Variants in TNS1 observed in about 807,000 individuals in gnomAD.
The protein encoded by TNS1 is tensin 1.
Under a neutral mutation model 168.6 loss-of-function variants are expected in TNS1, and 62 were observed. That is an observed-to-expected ratio of 0.37 (90% CI 0.30 to 0.45). TNS1 has a LOEUF of 0.45. Among genes scored for constraint, TNS1 ranks in the 20% least tolerant of loss-of-function variants. The pLI is 1.00. For missense variants in TNS1, 2,240 were observed against 2,339.4 expected (o/e 0.96, Z 0.88); for synonymous variants, 934 against 933.2 (o/e 1.00, Z -0.02).
intron 4 of TNS1, among the ~76,000 whole-genome samples, chr2:217,913,425 T>C (rs1479867699): frequency 6.6e-6 from 1 of 152,138 alleles, no homozygotes; most frequent in East Asian, 1.9e-4. Flanking sequence ...ATATTTTGTG[T>C]TCCCTCTTGC....
At chr2:217,930,835 A>G (rs1447348310) in intron 3 of TNS1, among the ~76,000 whole-genome samples, 1 of 152,186 alleles carries the variant, frequency 6.6e-6, no homozygotes, top group Non-Finnish European at 1.5e-5. Flanking sequence ...CCCAAAAAGC[A>G]GGAAAACCCC....
intron 4 of TNS1, among the ~76,000 whole-genome samples, chr2:217,910,862 C>T (rs1199127325): frequency 6.6e-6 from 1 of 152,070 alleles, no homozygotes; most frequent in Non-Finnish European, 1.5e-5. Context: ...AATTGAGGTC[C>T]AGGGAGGTCT....
rs750219923 is a variant in TNS1 at position 217,920,205 on chromosome 2, T to C, written c.218A>G (p.His73Arg). The change falls in exon 4 of 33, where the codon CAT becomes CGT. Residue 73 changes from histidine (H) to arginine (R), a missense_variant. Physicochemically the swap from His to Arg is conservative, Grantham distance 29. Transcript: ENST00000682258. ...AGGGCTGTCACTCACCACCAGCTCA[T>C]GGTTGGATGGAGGAACGCAGGGGGC... The part of the protein sequence containing the change: ...VAAPCVPPSN[H>R]ELVPITTENA... 2 of 702,900 alleles carry C rather than the reference T, an allele frequency of 2.8e-6. No individual in the cohort carries two copies. The highest frequency in any genetic ancestry group is 1.5e-5 in the South Asian group (1 of 67,578). 43.5% of individuals were successfully genotyped at this position (702,900 alleles called of 1,614,324 possible).
At chr2:217,837,032 A>G (rs989107840) in intron 19 of TNS1, among the ~76,000 whole-genome samples, 1 of 151,882 alleles carries the variant, frequency 6.6e-6, no homozygotes, top group African/African-American at 2.4e-5. Context: ...CACGGAATCC[A>G]TTGCCTCATT....
At chr2:217,893,055 GC>G in intron 10 of TNS1, 43 bp from the exon 11 acceptor site, 3 of 1,610,418 alleles carry the variant, frequency 1.9e-6, no homozygotes, top group Non-Finnish European at 2.5e-6. Context: ...TCTAAGGCCA[GC>G]CTTGCTGCCC....
At chr2:217,901,330 T>G (rs1278461167) in intron 6 of TNS1, among the ~76,000 whole-genome samples, 2 of 152,224 alleles carry the variant, frequency 1.3e-5, no homozygotes, top group Non-Finnish European at 2.9e-5. Flanking sequence ...ACCTTCAGGC[T>G]GGCAGTGAGG....
chr2:217,860,981 CCA>C (rs1036126922), intron 18 of TNS1, among the ~76,000 whole-genome samples: 4 of 152,110 alleles, frequency 2.6e-5, no homozygotes, highest in African/African-American at 7.2e-5. Context: ...TCCCCTGGCT[CCA>C]CACAGAGGCA....
chr2:218,019,262 T>G (rs886652362), intron 1 of TNS1, among the ~76,000 whole-genome samples: 2 of 152,114 alleles, frequency 1.3e-5, no homozygotes, highest in African/African-American at 4.8e-5. Flanking sequence ...GAGCTGGATC[T>G]CCCAGAAAGA....
intron 28 of TNS1, among the ~76,000 whole-genome samples, 169 bp downstream of exon 28, chr2:217,812,199 C>A (rs1414450921): frequency 6.6e-6 from 1 of 152,138 alleles, no homozygotes; most frequent in Admixed American, 6.6e-5. Context: ...TAAATTTTTT[C>A]TTCTTTTTTA....
chr2:217,933,691 GC>G lies in TNS1; in HGVS notation c.187-13456del, dbSNP rs576560339. Among the ~76,000 whole-genome samples the G allele has an allele frequency of 2.5e-3, 378 of 152,238 alleles. 4 individuals are homozygous for G. Among genetic ancestry groups the G allele is most frequent in the Non-Finnish European group, 2.5e-3 (171 of 68,012 alleles). On this transcript the variant is annotated intron_variant, in intron 3 of 32. Transcript: ENST00000682258. Reference sequence around the variant, plus strand: ...CAGACCTCCCAGCTCCTTTCAAAGTGCCCACTGCAGCCTTGGCAAGCAGCAA... The same window carrying G: ...CAGACCTCCCAGCTCCTTTCAAAGTGCCACTGCAGCCTTGGCAAGCAGCAA...
intron 4 of TNS1, among the ~76,000 whole-genome samples, chr2:217,914,574 C>T (rs543511042): frequency 2.6e-5 from 4 of 152,250 alleles, no homozygotes; most frequent in African/African-American, 9.6e-5. Context: ...TGCAGTGGTG[C>T]GATCTCAGCT....
intron 23 of TNS1, among the ~76,000 whole-genome samples, chr2:217,821,080 G>A (rs962885522): frequency 4.6e-5 from 7 of 152,046 alleles, no homozygotes; most frequent in East Asian, 1.9e-4. Context: ...AGAAATCCTC[G>A]CTGCATCCCT....
At chr2:217,825,847 A>T (rs1280323682) in intron 22 of TNS1, among the ~76,000 whole-genome samples, 2 of 152,244 alleles carry the variant, frequency 1.3e-5, no homozygotes, top group African/African-American at 4.8e-5. Context: ...TCTTAAGGCA[A>T]CAGTCCCATT....
rs535820002 is a variant in TNS1, at chr2:217,829,959, A to T, written c.3373+1496T>A. 1.9e-4 allele frequency: 301 copies of T among 1,581,814 alleles called. 5 individuals carry two copies. The South Asian group carries it at 3.3e-3, about 17-fold the overall frequency. On this transcript the variant is annotated intron_variant, in intron 22 of 32. Coordinates refer to ENST00000682258, the MANE Select transcript of TNS1 (RefSeq NM_001387777.1). ...GCAGGTGGTGAAGATGAGGAAGAGC[A>T]AAAAAGGAAAAAGAGAGAAAGAGAT...
chr2:217,902,440 A>T (rs1356913153), intron 6 of TNS1, among the ~76,000 whole-genome samples: 2 of 152,162 alleles, frequency 1.3e-5, no homozygotes, highest in Admixed American at 1.3e-4. Flanking sequence ...GAGCTGGAGA[A>T]AGACAATGGG....
chr2:217,912,713 A>G (rs1954564595), intron 4 of TNS1, among the ~76,000 whole-genome samples: 1 of 152,222 alleles, frequency 6.6e-6, no homozygotes, highest in Non-Finnish European at 1.5e-5. Flanking sequence ...CACTTGGAGC[A>G]TGGCAGGCTG....
intron 3 of TNS1, among the ~76,000 whole-genome samples, chr2:217,958,022 C>CACACAT (rs1329942443): frequency 3.4e-4 from 51 of 151,986 alleles, no homozygotes; most frequent in African/African-American, 1.1e-3. Context: ...CACACACACA[C>CACACAT]ACACACAAAA....
chr2:217,954,659 C>CT (rs1957317223), intron 3 of TNS1, among the ~76,000 whole-genome samples: 4 of 152,090 alleles, frequency 2.6e-5, no homozygotes, highest in African/African-American at 7.2e-5. Flanking sequence ...AGTGCCAACT[C>CT]CACTGCCAAG....
At chr2:217,979,780 G>A (rs1189237362) in intron 2 of TNS1, among the ~76,000 whole-genome samples, 2 of 152,102 alleles carry the variant, frequency 1.3e-5, no homozygotes, top group Non-Finnish European at 2.9e-5. Flanking sequence ...TAAGGCTGGG[G>A]GGTTAGGAAC....
Sources: allele counts gnomAD v4.1 joint callset (sites outside exome capture counted in the v4.1 genomes callset), GRCh38; gene constraint gnomAD v4.1.1; transcripts MANE v1.5; gene names NCBI Gene and HGNC (gene_info 2026-07-23, HGNC 2026-07-21).